The following XRN2 variants were observed in gnomAD, a reference collection of about 807,000 sequenced individuals.
XRN2 encodes the protein DHM1-like protein.
XRN2 carries 44 observed loss-of-function variants against 138.5 expected under a neutral mutation model. The observed-to-expected ratio is 0.32, with a 90% CI of 0.25 to 0.41. The LOEUF is 0.41. XRN2 is among the 10% of genes least tolerant of loss of function. The probability of loss-of-function intolerance (pLI) is 1.00; values close to 1 mark genes in which losing one functional copy is unlikely to be tolerated. For missense variants in XRN2, 937 were observed against 1,169.3 expected, an observed-to-expected ratio of 0.80 and a Z score of 2.90; for synonymous variants, 354 against 369.4, an observed-to-expected ratio of 0.96 and a Z score of 0.48.
chr20:21,337,734 C>G (rs938283137), intron 13 of XRN2, among the ~76,000 whole-genome samples: 3 of 152,090 alleles, frequency 2.0e-5, no homozygotes, highest in Non-Finnish European at 4.4e-5. Flanking sequence ...ATTTTTCACA[C>G]AAAAAACTTG....
chr20:21,386,588 AAG>A (rs1384377494), intron 28 of XRN2, among the ~76,000 whole-genome samples: 22 of 152,234 alleles, frequency 1.4e-4, no homozygotes, highest in African/African-American at 5.1e-4. Context: ...AGTGACTAAA[AAG>A]GAAATTTCCC....
intron 16 of XRN2, 40 bp from the exon 17 acceptor site, chr20:21,346,375 G>T: frequency 6.2e-7 from 1 of 1,607,356 alleles, no homozygotes; most frequent in Non-Finnish European, 8.5e-7. Flanking sequence ...GTTACTGAAG[G>T]TGTGTTAATT....
In XRN2 at chr20:21,306,142, T is replaced by C. The variant is rs778351725; in HGVS notation, c.75+2669T>C. ...GGCATGGAATTCGAGGTGTTTTTTTTTTCTTCTTCTTTGAGACGGAGTCTA... is the reference window on the plus strand; with the variant it reads ...GGCATGGAATTCGAGGTGTTTTTTTCTTCTTCTTCTTTGAGACGGAGTCTA... On this transcript the variant is annotated intron_variant, in intron 1 of 29. Coordinates refer to ENST00000377191, the MANE Select transcript of XRN2 (RefSeq NM_012255.5). Among the ~76,000 whole-genome samples, 14 of 73,034 alleles carry C rather than the reference T, an allele frequency of 1.9e-4. 7 individuals carry two copies. The highest frequency in any genetic ancestry group is 1.8e-3 in the South Asian group (2 of 1,140). The allele number at this position is 73,034 out of a possible 152,430, so 47.9% of individuals were successfully genotyped here. A position where few individuals can be genotyped will look rare whatever the true frequency, so the allele number is the denominator to read the frequency against.
At chr20:21,389,023 G>A (rs62219561) in intron 29 of XRN2, among the ~76,000 whole-genome samples, 8,721 of 152,240 alleles carry the variant, frequency 0.057, 309 homozygotes, top group African/African-American at 0.091. Context: ...TTAGTTATTT[G>A]TGTGCATTTG....
At chr20:21,389,225 C>T in intron 29 of XRN2, 48 bp from the exon 30 acceptor site, 1 of 1,535,394 alleles carries the variant, frequency 6.5e-7, no homozygotes. Flanking sequence ...AACTGACTTG[C>T]AGGAGTATCG....
In XRN2 at chr20:21,348,202, C is replaced by T; in HGVS notation, c.1722C>T (p.Asp574=). Residue 574 remains aspartate (D), a synonymous_variant, in exon 18 of 30, where the codon GAC becomes GAT. Coordinates refer to ENST00000377191, the MANE Select transcript of XRN2 (RefSeq NM_012255.5). ...YPFHYAPFAS[D]FEGIADMPSD... is the part of the protein sequence containing the mutation. ...TTCATTATGCACCATTTGCTTCAGA[C>T]TTTGAAGGCATTGCAGACATGCCAT... 6.2e-7 allele frequency: 1 copy of T among 1,614,010 alleles called. No homozygotes were observed. Among genetic ancestry groups the T allele is most frequent in the Non-Finnish European group, 8.5e-7 (1 of 1,179,998 alleles).
chr20:21,329,856 GGTGTGTGTGTGTGTGTGTGT>G lies in XRN2; in HGVS notation c.428-602_428-583del, dbSNP rs60020864. Among the ~76,000 whole-genome samples the G allele has an allele frequency of 4.1e-5, 6 of 145,912 alleles. 1 individual carries two copies. The highest frequency in any genetic ancestry group is 4.4e-4 in the South Asian group (2 of 4,518). The stretch of plus-strand genomic sequence containing the variant: ...TTATCAAAAAATATGGCCTCTAACT[GGTGTGTGTGTGTGTGTGTGT>G]GTGTGTGTGTGTGTGTGTGTGTATT... On this transcript the variant is annotated intron_variant, in intron 4 of 29. Coordinates refer to ENST00000377191, the MANE Select transcript of XRN2 (RefSeq NM_012255.5).
rs569760911 is a variant in XRN2 at position 21,334,281 on chromosome 20, A to G, written c.1233+96A>G. 52 of 992,740 alleles carry G rather than the reference A, an allele frequency of 5.2e-5. No individual in the cohort carries two copies. In the African/African-American group the frequency reaches 7.3e-4, roughly 14 times the overall value. The allele number at this position is 992,740 out of a possible 1,614,324, so 61.5% of individuals were successfully genotyped here. ...TTTTAATCTCTTTGAGTGTGTTTTT[A>G]TATCATTATGGTGTGTCAACACTAA... On this transcript the variant is annotated intron_variant, in intron 13 of 29. Transcript: ENST00000377191.
At chr20:21,343,478 C>T (rs529209423) in intron 15 of XRN2, among the ~76,000 whole-genome samples, 10 of 151,884 alleles carry the variant, frequency 6.6e-5, no homozygotes, top group South Asian at 6.2e-4. Context: ...TAAAACTGAA[C>T]ATATAAAGTA....
chr20:21,328,514 G>A, intron 3 of XRN2, 45 bp from the exon 4 acceptor site: 1 of 1,540,036 alleles, frequency 6.5e-7, no homozygotes, highest in South Asian at 1.2e-5. Context: ...AGATTTATTT[G>A]TGAATATTTT....
At chr20:21,315,139 G>A (rs577986882) in intron 1 of XRN2, among the ~76,000 whole-genome samples, 12 of 152,296 alleles carry the variant, frequency 7.9e-5, no homozygotes, top group African/African-American at 1.7e-4. Flanking sequence ...GGGCAGTTGC[G>A]CCCTCACTCA....
At chr20:21,315,806 C>G (rs1323103189) in intron 1 of XRN2, among the ~76,000 whole-genome samples, 1 of 152,136 alleles carries the variant, frequency 6.6e-6, no homozygotes, top group Non-Finnish European at 1.5e-5. Context: ...CCTCTTTGCC[C>G]TTTTAAAATT....
intron 1 of XRN2, chr20:21,303,718 G>A (rs1273949508): frequency 3.2e-6 from 4 of 1,246,066 alleles, no homozygotes; most frequent in Non-Finnish European, 4.0e-6. Context: ...ACTCGCAGGA[G>A]GGTCGCTCCT....
intron 13 of XRN2, among the ~76,000 whole-genome samples, chr20:21,338,764 G>A (rs1290391843): frequency 6.6e-6 from 1 of 151,952 alleles, no homozygotes; most frequent in East Asian, 1.9e-4. Flanking sequence ...TAAAACCAAG[G>A]GTCTTTGTAA....
rs929874468 is a variant in XRN2 at position 21,303,388 on chromosome 20, C to T, written c.-11C>T. ...CAGCCGGTCGGCCGCCGCCTCCAGC[C>T]GTGTGCCGCTATGGGAGTCCCGGCG... On this transcript the variant is annotated 5_prime_UTR_variant, in exon 1 of 30. Transcript: ENST00000377191. 7.1e-6 allele frequency: 11 copies of T among 1,547,108 alleles called. No homozygotes were observed. Among genetic ancestry groups the T allele is most frequent in the African/African-American group, 1.4e-5 (1 of 72,210 alleles).
At chr20:21,331,884 C>G (rs1600686054) in intron 8 of XRN2, 66 bp downstream of exon 8, 31 of 1,548,208 alleles carry the variant, frequency 2.0e-5, no homozygotes, top group Non-Finnish European at 2.5e-5. Context: ...GGTTGGTGTG[C>G]AGTAATGGAT....
At chr20:21,323,528 A>T (rs1216495356) in intron 1 of XRN2, among the ~76,000 whole-genome samples, 1 of 152,220 alleles carries the variant, frequency 6.6e-6, no homozygotes, top group African/African-American at 2.4e-5. Flanking sequence ...TTGAGGAGTC[A>T]GTTCTTTGTT....
At chr20:21,320,423 C>T (rs1398735510) in intron 1 of XRN2, among the ~76,000 whole-genome samples, 1 of 151,960 alleles carries the variant, frequency 6.6e-6, no homozygotes, top group Non-Finnish European at 1.5e-5. Flanking sequence ...CCTCAGCCTC[C>T]TGAGTAGCTG....
At chr20:21,361,639 A>C (rs1294341337) in intron 24 of XRN2, among the ~76,000 whole-genome samples, 1 of 152,168 alleles carries the variant, frequency 6.6e-6, no homozygotes, top group African/African-American at 2.4e-5. Flanking sequence ...TAAGCCTTCC[A>C]CAAGTAACCC....
Sources: allele counts gnomAD v4.1 joint callset (sites outside exome capture counted in the v4.1 genomes callset), GRCh38; gene constraint gnomAD v4.1.1; transcripts MANE v1.5; gene names NCBI Gene and HGNC (gene_info 2026-07-23, HGNC 2026-07-21).